Variants in KDM4C observed in about 807,000 individuals in gnomAD.
KDM4C encodes lysine-specific demethylase 4C.
KDM4C carries 81 observed loss-of-function variants against 129.3 expected under a neutral mutation model. The ratio of observed to expected loss-of-function variants is 0.63; its 90% CI spans 0.52 to 0.75. KDM4C has a LOEUF of 0.75. KDM4C is among the 30% of genes least tolerant of loss of function. The pLI is 0.00. For synonymous variants in KDM4C, 573 were observed against 456.1 expected, an observed-to-expected ratio of 1.26 and a Z score of -3.26; for missense variants, 1,457 against 1,304.0, an observed-to-expected ratio of 1.12 and a Z score of -1.81.
chr9:6,962,610 G>C (rs1830219162), intron 8 of KDM4C, among the ~76,000 whole-genome samples: 1 of 151,976 alleles, frequency 6.6e-6, no homozygotes, highest in African/African-American at 2.4e-5. Flanking sequence ...TAGTCAACAT[G>C]ATAGATTCTG....
At chr9:6,958,322 C>T (rs904164590) in intron 8 of KDM4C, among the ~76,000 whole-genome samples, 3 of 152,070 alleles carry the variant, frequency 2.0e-5, no homozygotes, top group Admixed American at 6.6e-5. Flanking sequence ...CGGTGGCTCA[C>T]GCTTGTAATA....
intron 19 of KDM4C, among the ~76,000 whole-genome samples, chr9:7,147,687 A>C (rs1842339804): frequency 6.6e-6 from 1 of 152,180 alleles, no homozygotes; most frequent in Non-Finnish European, 1.5e-5. Flanking sequence ...ATCAGGGCCG[A>C]TGTTGGCTCT....
chr9:7,162,526 G>T (rs1843912524), intron 19 of KDM4C, among the ~76,000 whole-genome samples: 1 of 152,166 alleles, frequency 6.6e-6, no homozygotes, highest in South Asian at 2.1e-4. Flanking sequence ...ACTTAGTAAA[G>T]TTCATCTATT....
At chr9:7,152,883 T>C (rs1283211995) in intron 19 of KDM4C, among the ~76,000 whole-genome samples, 1 of 152,200 alleles carries the variant, frequency 6.6e-6, no homozygotes, top group African/African-American at 2.4e-5. Flanking sequence ...AGATTGTGCA[T>C]GTATAGGATG....
At chr9:6,762,345 TTC>T (rs1819725075) in intron 1 of KDM4C, among the ~76,000 whole-genome samples, 1 of 151,658 alleles carries the variant, frequency 6.6e-6, no homozygotes, top group Non-Finnish European at 1.5e-5. Context: ...TTAAAAAAAT[TTC>T]TGTTTGTAGA....
chr9:6,766,794 C>T (rs1041048161), intron 1 of KDM4C, among the ~76,000 whole-genome samples: 6 of 151,854 alleles, frequency 4.0e-5, no homozygotes, highest in Admixed American at 2.6e-4. Context: ...ACCTGCTGGG[C>T]TTCCCTGACC....
At chr9:7,036,175 T>C (rs184155322) in intron 15 of KDM4C, among the ~76,000 whole-genome samples, 2 of 152,302 alleles carry the variant, frequency 1.3e-5, no homozygotes, top group East Asian at 3.9e-4. Flanking sequence ...CATTTTTTTA[T>C]AGTTTCTCTT....
At chr9:6,864,611 G>A (rs1317691617) in intron 5 of KDM4C, among the ~76,000 whole-genome samples, 1 of 151,724 alleles carries the variant, frequency 6.6e-6, no homozygotes, top group Non-Finnish European at 1.5e-5. Context: ...TGGGATTACA[G>A]GCATGTGCCA....
At chr9:6,830,544 A>G (rs888983450) in intron 4 of KDM4C, among the ~76,000 whole-genome samples, 3 of 152,244 alleles carry the variant, frequency 2.0e-5, no homozygotes, top group Non-Finnish European at 2.9e-5. Flanking sequence ...CTAAAATGAT[A>G]AAATGGTTTT....
chr9:6,940,889 C>G (rs1377858212), intron 8 of KDM4C, among the ~76,000 whole-genome samples: 2 of 140,186 alleles, frequency 1.4e-5, no homozygotes, highest in Admixed American at 6.9e-5. Flanking sequence ...CTTAAATTTA[C>G]AAGAAAAAAA....
chr9:6,918,288 T>C (rs1465307590), intron 8 of KDM4C, among the ~76,000 whole-genome samples: 1 of 152,238 alleles, frequency 6.6e-6, no homozygotes, highest in Non-Finnish European at 1.5e-5. Flanking sequence ...TTTTTTGTTC[T>C]TAGGTTAATT....
chr9:7,148,915 A>C (rs1488385187), intron 19 of KDM4C, among the ~76,000 whole-genome samples: 2 of 152,316 alleles, frequency 1.3e-5, no homozygotes, highest in African/African-American at 4.8e-5. Context: ...TTCATCAAGG[A>C]AGTTCTCACT....
intron 5 of KDM4C, among the ~76,000 whole-genome samples, chr9:6,868,171 G>GC (rs1030731322): frequency 2.6e-5 from 4 of 151,876 alleles, no homozygotes; most frequent in Non-Finnish European, 4.4e-5. Context: ...CAGATAAAAA[G>GC]CCCCCCGAGA....
intron 21 of KDM4C, among the ~76,000 whole-genome samples, chr9:7,172,271 A>T (rs992026232): frequency 2.6e-5 from 4 of 152,206 alleles, no homozygotes; most frequent in African/African-American, 9.6e-5. Context: ...AAGAGCCAGC[A>T]GTCCACCTCA....
intron 17 of KDM4C, among the ~76,000 whole-genome samples, chr9:7,066,090 A>C (rs995239063): frequency 1.3e-5 from 2 of 152,160 alleles, no homozygotes; most frequent in African/African-American, 4.8e-5. Context: ...TCATTACATC[A>C]GTTGGGGATT....
chr9:7,154,210 C>A (rs895372782), intron 19 of KDM4C, among the ~76,000 whole-genome samples: 1 of 152,316 alleles, frequency 6.6e-6, no homozygotes, highest in East Asian at 1.9e-4. Context: ...ATGATACTTA[C>A]GTGGCTGTCT....
At chr9:6,996,928 G>A (rs929912926) in intron 12 of KDM4C, among the ~76,000 whole-genome samples, 1 of 152,072 alleles carries the variant, frequency 6.6e-6, no homozygotes, top group African/African-American at 2.4e-5. Flanking sequence ...AATACCCTAG[G>A]TATAAAACAA....
intron 5 of KDM4C, among the ~76,000 whole-genome samples, chr9:6,861,785 T>TTTTTTTTTG (rs1840977271): frequency 6.6e-6 from 1 of 151,812 alleles, no homozygotes; most frequent in African/African-American, 2.4e-5. Flanking sequence ...TTTCTTTTTT[T>TTTTTTTTTG]TTTTTCTCGA....
upstream of KDM4C, among the ~76,000 whole-genome samples, chr9:6,753,871 T>A (rs1397681814): frequency 7.4e-6 from 1 of 135,844 alleles, no homozygotes; most frequent in Non-Finnish European, 1.6e-5. Context: ...TTGAATTCTT[T>A]TTTTTTTTTT....
Sources: gnomAD v4.1 joint callset for allele counts (sites outside exome capture counted in the v4.1 genomes callset) on GRCh38, gnomAD v4.1.1 for gene constraint, MANE v1.5 for transcripts, NCBI Gene and HGNC (gene_info 2026-07-23, HGNC 2026-07-21) for gene names.